The following SLCO2A1 variants were observed in gnomAD, a reference collection of about 807,000 sequenced individuals.
The protein encoded by SLCO2A1 is solute carrier organic anion transporter family member 2A1, also known as matrin F/G 1.
In SLCO2A1, 60 loss-of-function variants were observed where a neutral mutation model predicts 71.7. The ratio of observed to expected loss-of-function variants is 0.84; its 90% CI spans 0.68 to 1.04. SLCO2A1 has a LOEUF of 1.04. Ranked by LOEUF, SLCO2A1 falls within the 50% of genes least tolerant of loss-of-function variation. The probability of loss-of-function intolerance (pLI) is 0.00; values close to 1 mark genes in which losing one functional copy is unlikely to be tolerated. For synonymous variants in SLCO2A1, 308 were observed against 326.7 expected, an observed-to-expected ratio of 0.94 and a Z score of 0.62; for missense variants, 745 against 813.4, an observed-to-expected ratio of 0.92 and a Z score of 1.02.
intron 1 of SLCO2A1, among the ~76,000 whole-genome samples, chr3:133,988,885 T>C (rs1288575766): frequency 6.6e-6 from 1 of 152,214 alleles, no homozygotes; most frequent in Non-Finnish European, 1.5e-5. Context: ...TTGTGCTAAC[T>C]TCCTAAAAGA....
chr3:133,996,143 G>T (rs1201658519), intron 1 of SLCO2A1, among the ~76,000 whole-genome samples: 3 of 152,182 alleles, frequency 2.0e-5, no homozygotes, highest in African/African-American at 7.2e-5. Context: ...AGCCCGAGGA[G>T]GTTTCATCAA....
At chr3:134,010,626 C>T (rs993421765) in intron 1 of SLCO2A1, among the ~76,000 whole-genome samples, 6 of 151,766 alleles carry the variant, frequency 4.0e-5, no homozygotes, top group Non-Finnish European at 8.8e-5. Flanking sequence ...TGGTGGCACG[C>T]ACCTGTAATT....
At chr3:134,029,638 A>C in intron 1 of SLCO2A1, 69 bp downstream of exon 1, 1 of 1,320,678 alleles carries the variant, frequency 7.6e-7, no homozygotes, top group Non-Finnish European at 1.0e-6. Context: ...CGGCAGACAG[A>C]AGCGGGTGCC....
intron 7 of SLCO2A1, 44 bp downstream of exon 7, chr3:133,948,843 TCCCCTC>T (rs1285227478): frequency 6.3e-7 from 1 of 1,599,006 alleles, no homozygotes; most frequent in Non-Finnish European, 8.6e-7. Flanking sequence ...CTGGCCACTA[TCCCCTC>T]CCCCGCACTG....
chr3:133,947,364 G>A lies in SLCO2A1; in HGVS notation c.1187C>T (p.Ala396Val). 2 of 1,614,124 alleles carry A rather than the reference G, an allele frequency of 1.2e-6. No individual in the cohort carries two copies. Among genetic ancestry groups the A allele is most frequent in the South Asian group, 1.1e-5 (1 of 91,074 alleles). The change falls in exon 9 of 14, where the codon GCC becomes GTC. Residue 396 changes from alanine (A) to valine (V), a missense_variant. Ala to Val is a moderately conservative substitution (Grantham distance 64). Coordinates refer to ENST00000310926, the MANE Select transcript of SLCO2A1 (RefSeq NM_005630.3). The stretch of plus-strand genomic sequence containing the variant: ...GATGGTGGTAGCTATGCGGGGAATG[G>A]CTTGTAGAGAGAAAACAAAGCGCTT... ...LMKRFVFSLQ[A>V]IPRIATTIIT...
intron 1 of SLCO2A1, among the ~76,000 whole-genome samples, chr3:134,021,012 G>A (rs1361071084): frequency 6.6e-6 from 1 of 152,210 alleles, no homozygotes. Flanking sequence ...CATCACCCAC[G>A]GCATGCCTGT....
intron 1 of SLCO2A1, among the ~76,000 whole-genome samples, chr3:133,982,562 C>T (rs1689946634): frequency 6.6e-6 from 1 of 152,196 alleles, no homozygotes; most frequent in African/African-American, 2.4e-5. Context: ...TTCCCCATCA[C>T]CTTCACTCAG....
chr3:133,937,837 G>A (rs1389474783), intron 12 of SLCO2A1, among the ~76,000 whole-genome samples: 1 of 152,192 alleles, frequency 6.6e-6, no homozygotes, highest in East Asian at 1.9e-4. Context: ...GGCCTGCATT[G>A]TGCCCCCAGC....
At chr3:133,946,958 T>C (rs1933593686) in intron 9 of SLCO2A1, among the ~76,000 whole-genome samples, 1 of 151,822 alleles carries the variant, frequency 6.6e-6, no homozygotes, top group African/African-American at 2.4e-5. Flanking sequence ...CAACTAAAAA[T>C]ACAAAAATTA....
At position 133,945,161 on chromosome 3, in the gene SLCO2A1, C is replaced by G. The variant is rs1933535032; in HGVS notation, c.1395G>C (p.Glu465Asp). 1 of 1,614,018 alleles carries G rather than the reference C, an allele frequency of 6.2e-7. No homozygotes were observed. Among genetic ancestry groups the G allele is most frequent in the African/African-American group, 1.3e-5 (1 of 74,932 alleles). ...AGCCGGCATGGCAAGGGGAGAGGTACTCGATTCCATTGTCTCCACAGACCG... is the reference window on the plus strand; with the variant it reads ...AGCCGGCATGGCAAGGGGAGAGGTAGTCGATTCCATTGTCTCCACAGACCG... ...FHPVCGDNGI[E>D]YLSPCHAGCS... Residue 465 changes from glutamate (E) to aspartate (D), a missense_variant, in exon 10 of 14, where the codon GAG becomes GAC. Physicochemically the swap from Glu to Asp is conservative, Grantham distance 45 (BLOSUM62 2). Transcript: ENST00000310926.
intron 1 of SLCO2A1, among the ~76,000 whole-genome samples, chr3:133,997,951 A>G (rs1286701305): frequency 6.6e-6 from 1 of 152,170 alleles, no homozygotes; most frequent in Non-Finnish European, 1.5e-5. Context: ...GAGTGTTTGG[A>G]GACATTGTAA....
intron 1 of SLCO2A1, among the ~76,000 whole-genome samples, chr3:133,986,121 T>A (rs568942240): frequency 1.0e-3 from 155 of 152,374 alleles, no homozygotes; most frequent in African/African-American, 3.6e-3. Context: ...TTAAAGTGTG[T>A]GCATTTTATT....
intron 3 of SLCO2A1, among the ~76,000 whole-genome samples, chr3:133,968,064 C>A (rs73217296): frequency 2.2e-5 from 3 of 135,094 alleles, no homozygotes; most frequent in Non-Finnish European, 3.1e-5. Context: ...CCACCTCTTC[C>A]CTCACACCTT....
At chr3:133,967,837 C>T (rs1272981888) in intron 3 of SLCO2A1, among the ~76,000 whole-genome samples, 2 of 109,100 alleles carry the variant, frequency 1.8e-5, no homozygotes, top group South Asian at 7.6e-4. Flanking sequence ...ACCCCCCACA[C>T]ATGAACACAC....
chr3:134,008,873 C>G (rs1460476368), intron 1 of SLCO2A1, among the ~76,000 whole-genome samples: 1 of 152,212 alleles, frequency 6.6e-6, no homozygotes, highest in African/African-American at 2.4e-5. Context: ...GACTTTGCCT[C>G]AATTTCTGGA....
chr3:133,948,983 A>T lies in SLCO2A1; in HGVS notation c.862-12T>A. Reference sequence around the variant, plus strand: ...GTGGCAGGAGCCCTCTGAAGGCAATAAAAGGGGTGAGTGTTCACGGCCCAG... The same window carrying T: ...GTGGCAGGAGCCCTCTGAAGGCAATTAAAGGGGTGAGTGTTCACGGCCCAG... On this transcript the variant is annotated splice_polypyrimidine_tract_variant and intron_variant, in intron 6 of 13. Transcript: ENST00000310926. 1.2e-6 allele frequency: 2 copies of T among 1,611,736 alleles called. No homozygotes were observed. Among genetic ancestry groups the T allele is most frequent in the Non-Finnish European group, 1.7e-6 (2 of 1,177,878 alleles).
Position 133,934,582 on chromosome 3 carries a change from A to G in SLCO2A1, c.*131T>C, listed in dbSNP as rs1011014986. The G allele has an allele frequency of 3.0e-6, 2 of 673,224 alleles. No individual in the cohort carries two copies. Among genetic ancestry groups the G allele is most frequent in the East Asian group, 5.5e-5 (2 of 36,390 alleles). The allele number at this position is 673,224 out of a possible 1,614,324, so 41.7% of individuals were successfully genotyped here. On this transcript the variant is annotated 3_prime_UTR_variant, in exon 14 of 14. Coordinates refer to ENST00000310926, the MANE Select transcript of SLCO2A1 (RefSeq NM_005630.3). ...CTGGGAGGAAGAGGTAGGGAAGGCA[A>G]ATGAGGACTGGGGTTTTCTTTCTTG...
At chr3:133,949,073 G>A (rs995611117) in intron 6 of SLCO2A1, 102 bp from the exon 7 acceptor site, 2 of 984,318 alleles carry the variant, frequency 2.0e-6, no homozygotes, top group Non-Finnish European at 3.2e-6. Context: ...GGGCTGGGTG[G>A]AGGTGAGCCC....
At chr3:134,029,326 G>A (rs1457886646) in intron 1 of SLCO2A1, among the ~76,000 whole-genome samples, 1 of 152,180 alleles carries the variant, frequency 6.6e-6, no homozygotes, top group Non-Finnish European at 1.5e-5. Flanking sequence ...GTAACCGCCC[G>A]CTGGAGGCCG....
Sources: allele counts gnomAD v4.1 joint callset (sites outside exome capture counted in the v4.1 genomes callset), GRCh38; gene constraint gnomAD v4.1.1; transcripts MANE v1.5; gene names NCBI Gene and HGNC (gene_info 2026-07-23, HGNC 2026-07-21).